The following PRELID2 variants were observed in gnomAD, a reference collection of about 807,000 sequenced individuals.
PRELID2 encodes the protein PRELI domain-containing protein 2.
PRELID2 carries 25 observed loss-of-function variants against 28.4 expected under a neutral mutation model. The ratio of observed to expected loss-of-function variants is 0.88; its 90% CI spans 0.64 to 1.23. The LOEUF is 1.23. Among genes scored for constraint, PRELID2 ranks in the 50% most tolerant of loss-of-function variants. PRELID2 has a pLI of 0.00. For missense variants in PRELID2, 201 were observed against 214.4 expected (o/e 0.94, Z 0.39); for synonymous variants, 76 against 71.6 (o/e 1.06, Z -0.31).
chr5:145,803,328 G>A (rs1374007897), intron 4 of PRELID2, among the ~76,000 whole-genome samples: 1 of 152,060 alleles, frequency 6.6e-6, no homozygotes, highest in Non-Finnish European at 1.5e-5. Flanking sequence ...GAAAACCAAT[G>A]CAATTTGCAG....
At chr5:145,818,337 C>T (rs765156419) in intron 3 of PRELID2, among the ~76,000 whole-genome samples, 4 of 152,200 alleles carry the variant, frequency 2.6e-5, no homozygotes, top group African/African-American at 7.2e-5. Flanking sequence ...GCCTCCTTCG[C>T]GTCTCCTCTA....
At chr5:145,666,604 C>T (rs944028077) in intron 1 of PRELID2, among the ~76,000 whole-genome samples, 1 of 152,074 alleles carries the variant, frequency 6.6e-6, no homozygotes, top group African/African-American at 2.4e-5. Context: ...GCACAGCGCT[C>T]AAGGACAATA....
chr5:145,792,435 C>T (rs569417365), intron 5 of PRELID2, among the ~76,000 whole-genome samples: 1 of 152,328 alleles, frequency 6.6e-6, no homozygotes, highest in South Asian at 2.1e-4. Flanking sequence ...ATATGCTTCT[C>T]AGCACTGATC....
intron 1 of PRELID2, among the ~76,000 whole-genome samples, chr5:145,646,376 A>G (rs10052632): frequency 0.22 from 33,545 of 151,468 alleles, 6,987 homozygotes; most frequent in African/African-American, 0.54. Flanking sequence ...GTGTTTTTCA[A>G]CTCCATCAGG....
Position 145,483,019 on chromosome 5 carries a change from G to A in PRELID2, n.71-9704C>T, listed in dbSNP as rs113959617. 2.0e-3 allele frequency among the ~76,000 whole-genome samples: 299 copies of A among 152,142 alleles called. 2 individuals are homozygous for A. The highest frequency in any genetic ancestry group is 3.5e-3 in the Non-Finnish European group (240 of 68,000). ...ACTCACCTCCTGCTGTGTGGCCTGC[G>A]GGTTGAGGACACCTGTCGAACAGTT... On this transcript the variant is annotated intron_variant and non_coding_transcript_variant, in intron 1 of 2. Coordinates refer to the PRELID2 transcript ENST00000510259.
At chr5:145,571,534 T>C (rs1010835592) in intron 1 of PRELID2, among the ~76,000 whole-genome samples, 1 of 152,218 alleles carries the variant, frequency 6.6e-6, no homozygotes, top group Non-Finnish European at 1.5e-5. Flanking sequence ...TATATTTCTT[T>C]GACATATTTT....
At chr5:145,372,856 A>G in the PRELID2 span, among the ~76,000 whole-genome samples, 1 of 135,756 alleles carries the variant, frequency 7.4e-6, no homozygotes, top group Non-Finnish European at 1.6e-5. Flanking sequence ...GTTATATATT[A>G]TTATTATATT....
intron 1 of PRELID2, among the ~76,000 whole-genome samples, chr5:145,827,722 G>C (rs1371392275): frequency 1.3e-5 from 2 of 152,160 alleles, no homozygotes; most frequent in Non-Finnish European, 1.5e-5. Context: ...TGCAGCTAAA[G>C]ATACACTACA....
At chr5:145,554,599 T>C (rs1414868515) in intron 1 of PRELID2, among the ~76,000 whole-genome samples, 2 of 152,254 alleles carry the variant, frequency 1.3e-5, no homozygotes, top group African/African-American at 2.4e-5. Flanking sequence ...GAAATTCCAC[T>C]GACCTTAGTG....
At chr5:145,255,208 T>G in the PRELID2 span, among the ~76,000 whole-genome samples, 13 of 151,994 alleles carry the variant, frequency 8.6e-5, 1 homozygote, top group African/African-American at 3.1e-4. Flanking sequence ...TGGCCTACTG[T>G]TAAGGGAGGA....
intron 1 of PRELID2, among the ~76,000 whole-genome samples, chr5:145,515,786 T>C (rs1580964806): frequency 6.6e-6 from 1 of 152,270 alleles, no homozygotes; most frequent in East Asian, 1.9e-4. Context: ...AAGAAGCTTA[T>C]CCACCACGAT....
chr5:145,793,782 A>T (rs908383533), intron 5 of PRELID2, among the ~76,000 whole-genome samples: 8 of 152,158 alleles, frequency 5.3e-5, no homozygotes, highest in Non-Finnish European at 1.2e-4. Flanking sequence ...ACACTGTCCA[A>T]GGTACTATAG....
At chr5:145,271,192 G>A in the PRELID2 span, among the ~76,000 whole-genome samples, 1,831 of 152,114 alleles carry the variant, frequency 0.012, 49 homozygotes, top group African/African-American at 0.043. Context: ...TTTGGCTGGG[G>A]ACACAGAGCC....
intron 1 of PRELID2, among the ~76,000 whole-genome samples, chr5:145,539,702 G>A (rs1439613820): frequency 6.6e-6 from 1 of 151,302 alleles, no homozygotes; most frequent in East Asian, 1.9e-4. Context: ...TGAATATCTA[G>A]TAAATAATAA....
chr5:145,696,170 T>C (rs1399127631), intron 1 of PRELID2, among the ~76,000 whole-genome samples: 1 of 148,674 alleles, frequency 6.7e-6, no homozygotes, highest in Admixed American at 6.7e-5. Flanking sequence ...TTTTTTTTTT[T>C]TTTTTTTTTT....
At chr5:145,386,327 T>C in the PRELID2 span, among the ~76,000 whole-genome samples, 2 of 151,838 alleles carry the variant, frequency 1.3e-5, no homozygotes, top group Non-Finnish European at 2.9e-5. Flanking sequence ...ATGACACAGG[T>C]GGATTATGAG....
chr5:145,671,773 C>T (rs936464043), intron 1 of PRELID2, among the ~76,000 whole-genome samples: 2 of 152,242 alleles, frequency 1.3e-5, no homozygotes, highest in Non-Finnish European at 2.9e-5. Context: ...TAAGATATAA[C>T]CTATTCTCCA....
intron 1 of PRELID2, among the ~76,000 whole-genome samples, chr5:145,597,760 T>G (rs997275259): frequency 6.6e-6 from 1 of 152,184 alleles, no homozygotes; most frequent in African/African-American, 2.4e-5. Context: ...ATCCCAGATC[T>G]AGATTTCTTT....
At chr5:145,816,271 C>T (rs759787430) in intron 4 of PRELID2, among the ~76,000 whole-genome samples, 17 of 151,628 alleles carry the variant, frequency 1.1e-4, no homozygotes, top group Non-Finnish European at 2.1e-4. Flanking sequence ...TTAGTAGAGA[C>T]GGGATTTTGC....
Sources: allele counts gnomAD v4.1 joint callset (sites outside exome capture counted in the v4.1 genomes callset), GRCh38; gene constraint gnomAD v4.1.1; transcripts MANE v1.5; gene names NCBI Gene and HGNC (gene_info 2026-07-23, HGNC 2026-07-21).